PRUNE2: variants seen among roughly 807,000 people sequenced by gnomAD.
The protein encoded by PRUNE2 is protein prune homolog 2.
Under a neutral mutation model 252.0 loss-of-function variants are expected in PRUNE2, and 164 were observed. The ratio of observed to expected loss-of-function variants is 0.65; its 90% confidence interval spans 0.57 to 0.74. The LOEUF (loss-of-function observed/expected upper bound fraction) is 0.74, where lower values mean the gene tolerates loss of function less well. PRUNE2 is among the 30% of genes least tolerant of loss of function. PRUNE2 has a pLI of 0.00. For missense variants in PRUNE2, 3,495 were observed against 3,711.0 expected (o/e 0.94, Z 1.51); for synonymous variants, 1,292 against 1,350.2 (o/e 0.96, Z 0.94).
At chr9:76,899,798 G>A (rs1202706487) in intron 1 of PRUNE2, among the ~76,000 whole-genome samples, 5 of 152,306 alleles carry the variant, frequency 3.3e-5, no homozygotes, top group African/African-American at 9.6e-5. Context: ...AGCAGGTGAG[G>A]GGGCTCACTT....
intron 9 of PRUNE2, among the ~76,000 whole-genome samples, chr9:76,660,342 A>C (rs540272162): frequency 6.6e-6 from 1 of 152,200 alleles, no homozygotes; most frequent in African/African-American, 2.4e-5. Context: ...GGTAGAAAAT[A>C]AAAAGCAACC....
intron 9 of PRUNE2, among the ~76,000 whole-genome samples, chr9:76,659,086 C>A (rs1441349055): frequency 6.6e-6 from 1 of 152,208 alleles, no homozygotes; most frequent in Non-Finnish European, 1.5e-5. Context: ...CTCGGCCAGG[C>A]TGTGTCCCGA....
At chr9:76,684,566 T>C (rs540719577) in intron 9 of PRUNE2, among the ~76,000 whole-genome samples, 2 of 152,340 alleles carry the variant, frequency 1.3e-5, no homozygotes, top group Non-Finnish European at 2.9e-5. Context: ...TCAATATTCT[T>C]TGAGGATTCT....
At chr9:76,790,326 G>A (rs1652155458) in intron 6 of PRUNE2, among the ~76,000 whole-genome samples, 1 of 152,198 alleles carries the variant, frequency 6.6e-6, no homozygotes, top group Admixed American at 6.5e-5. Flanking sequence ...ATTATTTAGT[G>A]ATATGTCAAT....
At chr9:76,900,803 G>A (rs995155557) in intron 1 of PRUNE2, among the ~76,000 whole-genome samples, 6 of 151,996 alleles carry the variant, frequency 3.9e-5, no homozygotes, top group Admixed American at 6.6e-5. Context: ...TAACATTCAC[G>A]GAGGGGTAGG....
chr9:76,752,179 A>G (rs1293695081), intron 6 of PRUNE2, among the ~76,000 whole-genome samples: 5 of 151,434 alleles, frequency 3.3e-5, no homozygotes, highest in African/African-American at 9.7e-5. Context: ...CTCACTGCAA[A>G]CTCCGCCTCC....
At chr9:76,765,981 G>T (rs1470731130) in intron 6 of PRUNE2, among the ~76,000 whole-genome samples, 1 of 152,010 alleles carries the variant, frequency 6.6e-6, no homozygotes, top group East Asian at 1.9e-4. Context: ...AAGAGATTGA[G>T]ACCATCCTGG....
At chr9:76,890,430 T>C (rs1299119674) in intron 1 of PRUNE2, among the ~76,000 whole-genome samples, 1 of 152,226 alleles carries the variant, frequency 6.6e-6, no homozygotes, top group Non-Finnish European at 1.5e-5. Context: ...ACTGCTCTTA[T>C]CTGGCCCTCA....
At chr9:76,621,010 G>C (rs1832050817) in intron 17 of PRUNE2, among the ~76,000 whole-genome samples, 1 of 152,180 alleles carries the variant, frequency 6.6e-6, no homozygotes, top group South Asian at 2.1e-4. Context: ...AAGGCAGGCT[G>C]AGGAAATCAC....
At chr9:76,687,894 T>G (rs2044268886) in intron 9 of PRUNE2, among the ~76,000 whole-genome samples, 1 of 152,186 alleles carries the variant, frequency 6.6e-6, no homozygotes, top group South Asian at 2.1e-4. Context: ...GATGCGGGGG[T>G]AGAGTAGAGC....
intron 9 of PRUNE2, among the ~76,000 whole-genome samples, chr9:76,655,951 A>G (rs1027179080): frequency 2.6e-5 from 4 of 152,192 alleles, no homozygotes; most frequent in African/African-American, 9.7e-5. Context: ...TTTCATTTGT[A>G]AACTAGGGAT....
At position 76,704,083 on chromosome 9, in the gene PRUNE2, T is replaced by C; in HGVS notation, c.7530A>G (p.Ile2510Met). The C allele has an allele frequency of 6.3e-7, 1 of 1,588,938 alleles. No individual in the cohort carries two copies. Among genetic ancestry groups the C allele is most frequent in the Non-Finnish European group, 8.6e-7 (1 of 1,169,182 alleles). ...TTGTTTTTTCTTCTTCCAATTCTGA[T>C]ATTTCCTTGCTGGCACCTAGAAGTG... Reference protein sequence around the residue: ...IGPPNGASKEISELEEEKTIP... With the variant: ...IGPPNGASKEMSELEEEKTIP... Residue 2510 changes from isoleucine to methionine, a missense_variant, in exon 9 of 19, where the codon ATA (isoleucine) becomes ATG (methionine). Ile to Met is a conservative substitution (Grantham distance 10). Transcript: ENST00000376718.
chr9:76,619,464 C>T lies in PRUNE2; in HGVS notation c.9189-77G>A, dbSNP rs565160539. On this transcript the variant is annotated intron_variant, in intron 17 of 18. Coordinates refer to ENST00000376718, the MANE Select transcript of PRUNE2 (RefSeq NM_015225.3). ...CTGTGAAAGCACAACAGATTTGAGG[C>T]ATTTGAAACTGTTTAATGTGGTCCC... 135 of 982,432 alleles carry T rather than the reference C, an allele frequency of 1.4e-4. 1 individual carries two copies. The East Asian group carries it at 2.4e-3, about 17-fold the overall frequency. The allele number at this position is 982,432 out of a possible 1,614,324, so 60.9% of individuals were successfully genotyped here. A position where few individuals can be genotyped will look rare whatever the true frequency, so the allele number is the denominator to read the frequency against.
chr9:76,711,291 T>A lies in PRUNE2; in HGVS notation c.983A>T (p.Asp328Val). The A allele has an allele frequency of 6.2e-7, 1 of 1,613,858 alleles. No homozygotes were observed. The highest frequency in any genetic ancestry group is 8.5e-7 in the Non-Finnish European group (1 of 1,179,858). ...CTCTTGTTGGTACACCAGGATCTCA[T>A]CACAGCCACAGTCAAAGGGCTCCAG... ...LELEPFDCGCDEILVYQQEDP... is the reference protein window; with the variant it reads ...LELEPFDCGCVEILVYQQEDP... Residue 328 changes from aspartate to valine, a missense_variant, in exon 8 of 19, where the codon GAT (aspartate) becomes GTT (valine). Asp to Val is a radical substitution (Grantham distance 152). Transcript: ENST00000376718.
intron 6 of PRUNE2, among the ~76,000 whole-genome samples, chr9:76,795,356 A>C (rs1162936980): frequency 2.0e-5 from 3 of 152,140 alleles, no homozygotes; most frequent in Non-Finnish European, 2.9e-5. Context: ...ACAAACATTG[A>C]GAGAAGTCAG....
At chr9:76,644,714 C>T in intron 12 of PRUNE2, 25 bp downstream of exon 12, 1 of 1,610,842 alleles carries the variant, frequency 6.2e-7, no homozygotes, top group Non-Finnish European at 8.5e-7. Flanking sequence ...TCCCCATTTC[C>T]CAGATTCATG....
At chr9:76,816,234 C>A (rs542228101) in intron 6 of PRUNE2, among the ~76,000 whole-genome samples, 1 of 151,266 alleles carries the variant, frequency 6.6e-6, no homozygotes, top group African/African-American at 2.4e-5. Flanking sequence ...TATTTTTGGA[C>A]ATCTGTAGAA....
intron 1 of PRUNE2, among the ~76,000 whole-genome samples, chr9:76,872,643 A>ACACC (rs1554820935): frequency 6.8e-5 from 10 of 146,904 alleles, no homozygotes; most frequent in South Asian, 2.2e-4. Flanking sequence ...ACACACACAC[A>ACACC]CCCTCACACC....
intron 1 of PRUNE2, among the ~76,000 whole-genome samples, chr9:76,869,738 G>C (rs758256055): frequency 7.2e-5 from 11 of 152,196 alleles, no homozygotes; most frequent in Non-Finnish European, 8.8e-5. Flanking sequence ...CCAAAGGAAA[G>C]TTTAAAGTAT....
Sources: allele counts gnomAD v4.1 joint callset (sites outside exome capture counted in the v4.1 genomes callset), GRCh38; gene constraint gnomAD v4.1.1; transcripts MANE v1.5; gene names NCBI Gene and HGNC (gene_info 2026-07-23, HGNC 2026-07-21).